The following POLA1 variants were observed in gnomAD, a reference collection of about 807,000 sequenced individuals.
POLA1 encodes DNA polymerase alpha 1, catalytic subunit.
Under a neutral mutation model 124.0 loss-of-function variants are expected in POLA1, and 15 were observed. That is an observed-to-expected ratio of 0.12 (90% CI 0.08 to 0.19). The LOEUF (loss-of-function observed/expected upper bound fraction) is 0.19. Ranked by LOEUF, POLA1 falls within the 10% of genes least tolerant of loss-of-function variation. The pLI is 1.00. For synonymous variants in POLA1, 408 were observed against 389.4 expected, an observed-to-expected ratio of 1.05 and a Z score of -0.56; for missense variants, 886 against 1,103.4, an observed-to-expected ratio of 0.80 and a Z score of 2.79.
chrX:24,949,766 G>A (rs746311752), intron 36 of POLA1, among the ~76,000 whole-genome samples: 2 of 95,349 alleles, frequency 2.1e-5, no homozygotes, highest in African/African-American at 7.9e-5. Flanking sequence ...ACAGAGTCTC[G>A]CTCTTTTGCC....
intron 30 of POLA1, among the ~76,000 whole-genome samples, chrX:24,817,082 T>G (rs2046001504): frequency 9.0e-6 from 1 of 111,695 alleles, no homozygotes; most frequent in Non-Finnish European, 1.9e-5. Flanking sequence ...GAATAGATTT[T>G]TCTGTGGCAG....
At chrX:24,867,431 G>C (rs1448168529) in intron 34 of POLA1, among the ~76,000 whole-genome samples, 1 of 111,297 alleles carries the variant, frequency 9.0e-6, no homozygotes, top group African/African-American at 3.3e-5. Context: ...CAATTATAAG[G>C]ACTTAGTCTT....
chrX:24,968,039 C>T (rs984066183), intron 36 of POLA1, among the ~76,000 whole-genome samples: 4 of 111,836 alleles, frequency 3.6e-5, no homozygotes, highest in Non-Finnish European at 7.5e-5. Context: ...ATTTAAAATT[C>T]TGCATCTAGA....
chrX:24,871,335 A>G (rs2046860431), intron 34 of POLA1, among the ~76,000 whole-genome samples: 1 of 112,035 alleles, frequency 8.9e-6, no homozygotes, highest in South Asian at 3.7e-4. Flanking sequence ...GAGAATGTGC[A>G]TCTCTAACAA....
At chrX:24,900,614 C>T (rs767205534) in intron 35 of POLA1, among the ~76,000 whole-genome samples, 5 of 112,124 alleles carry the variant, frequency 4.5e-5, no homozygotes, top group Non-Finnish European at 9.4e-5. Context: ...AACAGGACCA[C>T]CAAAGATGTA....
intron 30 of POLA1, among the ~76,000 whole-genome samples, chrX:24,816,540 A>G (rs1435814610): frequency 8.9e-6 from 1 of 112,398 alleles, no homozygotes; most frequent in South Asian, 3.7e-4. Flanking sequence ...ACATATTGGC[A>G]TGGAATCACT....
chrX:24,964,914 A>G (rs1420296174), intron 36 of POLA1, among the ~76,000 whole-genome samples: 3 of 112,148 alleles, frequency 2.7e-5, no homozygotes, highest in Non-Finnish European at 3.8e-5. Context: ...TCCCATGAAG[A>G]TGGTAAGAAA....
At chrX:24,699,929 G>T (rs1014360116) in intron 2 of POLA1, among the ~76,000 whole-genome samples, 3 of 104,587 alleles carry the variant, frequency 2.9e-5, no homozygotes, top group African/African-American at 7.0e-5. Context: ...TTCTTGGAGA[G>T]AACTGTTCTT....
At chrX:24,710,088 GC>G (rs1475705757) in intron 4 of POLA1, among the ~76,000 whole-genome samples, 2 of 100,592 alleles carry the variant, frequency 2.0e-5, no homozygotes, top group East Asian at 6.3e-4. Flanking sequence ...TCCTCCAGCC[GC>G]TGCCTCCCGG....
chrX:24,776,512 A>G (rs967700993), intron 26 of POLA1, among the ~76,000 whole-genome samples: 1 of 111,885 alleles, frequency 8.9e-6, no homozygotes, highest in African/African-American at 3.3e-5. Flanking sequence ...AGATCTGTGG[A>G]TAGTTTGGAG....
intron 34 of POLA1, among the ~76,000 whole-genome samples, chrX:24,863,365 A>G (rs1262742220): frequency 9.0e-6 from 1 of 110,635 alleles, no homozygotes; most frequent in Non-Finnish European, 1.9e-5. Context: ...TTTCCCCTCT[A>G]TTTACCATAG....
At chrX:24,757,281 C>A (rs1225732179) in intron 26 of POLA1, among the ~76,000 whole-genome samples, 1 of 110,699 alleles carries the variant, frequency 9.0e-6, no homozygotes, top group African/African-American at 3.3e-5. Context: ...ACATTCTACT[C>A]ATTTAGAATT....
At chrX:24,775,508 G>C (rs1262599810) in intron 26 of POLA1, among the ~76,000 whole-genome samples, 2 of 112,052 alleles carry the variant, frequency 1.8e-5, no homozygotes, top group African/African-American at 6.5e-5. Flanking sequence ...TTGAAACAGT[G>C]GTGTACACAC....
intron 36 of POLA1, among the ~76,000 whole-genome samples, chrX:24,959,463 CAAA>C (rs370136898): frequency 4.7e-5 from 4 of 84,900 alleles, no homozygotes; most frequent in Non-Finnish European, 4.7e-5. Context: ...GACTCCATCT[CAAA>C]AAAAAAAAAA....
At chrX:24,902,010 A>G (rs1335785909) in intron 35 of POLA1, among the ~76,000 whole-genome samples, 2 of 111,056 alleles carry the variant, frequency 1.8e-5, no homozygotes, top group Non-Finnish European at 3.8e-5. Context: ...GCGTGCACAC[A>G]CACACACACA....
At position 24,990,064 on chromosome X, in the gene POLA1, T is replaced by C. The variant is rs932105755; in HGVS notation, c.4262-5741T>C. On this transcript the variant is annotated intron_variant, in intron 36 of 36. Transcript: ENST00000379068. ...AAAAATTGCAATAAAGTCATTGTAA[T>C]TCATAGACCATGCTGTAATACAGAG... 8.9e-5 allele frequency among the ~76,000 whole-genome samples: 10 copies of C among 112,002 alleles called. No individual in the cohort carries two copies. The Admixed American group carries it at 9.5e-4, about 11-fold the overall frequency.
In POLA1 at chrX:24,996,395, G is replaced by A. The variant is rs139099348; in HGVS notation, c.*445G>A. ...GCTTTTTCATATGCCAATTAAACCC[G>A]GTCTAAATCCAAATGCTTCTCCAGC... On this transcript the variant is annotated 3_prime_UTR_variant, in exon 37 of 37. Coordinates refer to ENST00000379068, the MANE Select transcript of POLA1 (RefSeq NM_001330360.2). 6.7e-3 allele frequency: 769 copies of A among 114,613 alleles called. 3 individuals carry two copies. Among genetic ancestry groups the A allele is most frequent in the African/African-American group, 0.023 (723 of 30,930 alleles). 9.4% of individuals were successfully genotyped at this position (114,613 alleles called of 1,213,427 possible). A position where few individuals can be genotyped will look rare whatever the true frequency, so the allele number is the denominator to read the frequency against.
intron 29 of POLA1, 89 bp downstream of exon 29, chrX:24,812,952 G>A (rs923778935): frequency 2.2e-6 from 1 of 453,306 alleles, no homozygotes; most frequent in East Asian, 3.7e-5. Flanking sequence ...AATCTGTCAA[G>A]CCCAAGAACA....
chrX:24,772,851 A>G (rs1602364252), intron 26 of POLA1, among the ~76,000 whole-genome samples: 1 of 112,140 alleles, frequency 8.9e-6, no homozygotes, highest in African/African-American at 3.2e-5. Flanking sequence ...AAAGGAATAT[A>G]AATTGTGATA....
Sources: gnomAD v4.1 joint callset for allele counts (sites outside exome capture counted in the v4.1 genomes callset) on GRCh38, gnomAD v4.1.1 for gene constraint, MANE v1.5 for transcripts, NCBI Gene and HGNC (gene_info 2026-07-23, HGNC 2026-07-21) for gene names.